TMEM170B: variants seen among roughly 807,000 people sequenced by gnomAD.
The protein encoded by TMEM170B is transmembrane protein 170B.
In TMEM170B, 6 loss-of-function variants were observed where a neutral mutation model predicts 13.0. The observed-to-expected ratio is 0.46, with a 90% confidence interval of 0.25 to 0.91. TMEM170B has a LOEUF of 0.91. Ranked by LOEUF, TMEM170B falls within the 40% of genes least tolerant of loss-of-function variation. The probability of loss-of-function intolerance (pLI) is 0.17; values close to 1 mark genes in which losing one functional copy is unlikely to be tolerated. For missense variants in TMEM170B, 138 were observed against 165.2 expected (o/e 0.84, Z 0.90); for synonymous variants, 61 against 64.9 (o/e 0.94, Z 0.29).
At chr6:11,552,191 T>A (rs1759534479) in intron 1 of TMEM170B, among the ~76,000 whole-genome samples, 1 of 152,238 alleles carries the variant, frequency 6.6e-6, no homozygotes. Flanking sequence ...TTATTTTTTG[T>A]GATCAATTTA....
chr6:11,567,342 AG>A (rs1759747945), intron 2 of TMEM170B, among the ~76,000 whole-genome samples: 1 of 152,212 alleles, frequency 6.6e-6, no homozygotes. Context: ...CCCATATGTC[AG>A]GGGCAGCTCA....
chr6:11,547,369 G>A (rs899896927), intron 1 of TMEM170B, among the ~76,000 whole-genome samples: 2 of 152,160 alleles, frequency 1.3e-5, no homozygotes, highest in Non-Finnish European at 2.9e-5. Context: ...ATTAGGTTAA[G>A]TTCCTCTTCC....
rs1304981243 is a variant in TMEM170B, at chr6:11,580,017, A to C, written c.*4456A>C. The C allele has an allele frequency of 6.5e-6, 1 of 154,026 alleles. No homozygotes were observed. Among genetic ancestry groups the C allele is most frequent in the African/African-American group, 2.4e-5 (1 of 41,390 alleles). 9.5% of individuals were successfully genotyped at this position (154,026 alleles called of 1,614,324 possible). ...CCCTAGCTGTTATTTTGTTTCTTTT[A>C]TTTATTTATTTTTTGAGACGGAGTT... On this transcript the variant is annotated 3_prime_UTR_variant, in exon 3 of 3. Coordinates refer to ENST00000379426, the MANE Select transcript of TMEM170B (RefSeq NM_001100829.3).
chr6:11,538,631 C>G (rs1025073243), intron 1 of TMEM170B, among the ~76,000 whole-genome samples: 1 of 152,176 alleles, frequency 6.6e-6, no homozygotes, highest in Admixed American at 6.5e-5. Context: ...GGAGAGCTCC[C>G]GGTGGCGGCC....
At chr6:11,539,761 T>C (rs1582136006) in intron 1 of TMEM170B, among the ~76,000 whole-genome samples, 3 of 152,238 alleles carry the variant, frequency 2.0e-5, no homozygotes, top group Non-Finnish European at 2.9e-5. Context: ...ATCTTACTTA[T>C]GATTTTGCTT....
In TMEM170B at chr6:11,580,988, TAGGG is replaced by T. The variant is rs1399684644; in HGVS notation, c.*5431_*5434del. ...GTCTGTGTAGGCAGTACAGTGTTGT[TAGGG>T]AGGTTGCTGAATTATCTAAAAATGT... On this transcript the variant is annotated 3_prime_UTR_variant, in exon 3 of 3. Coordinates refer to ENST00000379426, the MANE Select transcript of TMEM170B (RefSeq NM_001100829.3). 2.0e-5 allele frequency: 3 copies of T among 152,186 alleles called. No individual in the cohort carries two copies. Among genetic ancestry groups the T allele is most frequent in the Non-Finnish European group, 2.9e-5 (2 of 68,030 alleles). 9.4% of individuals were successfully genotyped at this position (152,186 alleles called of 1,614,324 possible).
intron 1 of TMEM170B, among the ~76,000 whole-genome samples, chr6:11,540,354 T>C (rs1395264136): frequency 6.6e-6 from 1 of 152,224 alleles, no homozygotes; most frequent in Non-Finnish European, 1.5e-5. Flanking sequence ...CAACCGAGTT[T>C]ATCTAATAGT....
intron 1 of TMEM170B, among the ~76,000 whole-genome samples, chr6:11,559,721 T>C (rs751003200): frequency 6.6e-6 from 1 of 152,174 alleles, no homozygotes; most frequent in South Asian, 2.1e-4. Flanking sequence ...GTTCTACACT[T>C]CAGATTTGTT....
chr6:11,553,626 A>G (rs1379376056), intron 1 of TMEM170B, among the ~76,000 whole-genome samples: 1 of 152,164 alleles, frequency 6.6e-6, no homozygotes, highest in Non-Finnish European at 1.5e-5. Context: ...TAGTTTTCAT[A>G]TTGATTAAGG....
intron 1 of TMEM170B, among the ~76,000 whole-genome samples, chr6:11,564,555 G>A (rs1759711702): frequency 1.3e-5 from 2 of 152,286 alleles, no homozygotes; most frequent in African/African-American, 4.8e-5. Context: ...TTTAGAGTCA[G>A]CTCTTTCAGG....
chr6:11,562,712 A>G (rs918758225), intron 1 of TMEM170B, among the ~76,000 whole-genome samples: 1 of 152,148 alleles, frequency 6.6e-6, no homozygotes, highest in Non-Finnish European at 1.5e-5. Flanking sequence ...ATCAACCAGG[A>G]TATTAACATT....
At chr6:11,549,165 G>T (rs1759483398) in intron 1 of TMEM170B, among the ~76,000 whole-genome samples, 1 of 152,184 alleles carries the variant, frequency 6.6e-6, no homozygotes, top group African/African-American at 2.4e-5. Context: ...TAAGTCTACT[G>T]ATGGCTATAT....
Position 11,578,169 on chromosome 6 carries a change from A to G in TMEM170B, c.*2608A>G, listed in dbSNP as rs1303059573. ...AATGATCTTTTAAATAGGTTTGAGG[A>G]TGTTTGAAAATTTTGAATTTTGGGA... is the stretch of plus-strand genomic sequence containing the variant. On this transcript the variant is annotated 3_prime_UTR_variant, in exon 3 of 3. Coordinates refer to ENST00000379426, the MANE Select transcript of TMEM170B (RefSeq NM_001100829.3). 6.6e-6 allele frequency: 1 copy of G among 152,152 alleles called. No individual in the cohort carries two copies. The highest frequency in any genetic ancestry group is 1.5e-5 in the Non-Finnish European group (1 of 67,994). The allele number at this position is 152,152 out of a possible 1,614,324, so 9.4% of individuals were successfully genotyped here. A position where few individuals can be genotyped will look rare whatever the true frequency, so the allele number is the denominator to read the frequency against.
intron 1 of TMEM170B, among the ~76,000 whole-genome samples, chr6:11,543,187 C>T (rs1337113756): frequency 6.6e-6 from 1 of 152,138 alleles, no homozygotes; most frequent in Admixed American, 6.5e-5. Context: ...AGGGTCAGTC[C>T]ATTGCCTCAC....
intron 1 of TMEM170B, among the ~76,000 whole-genome samples, chr6:11,553,954 C>T (rs756917637): frequency 2.2e-4 from 33 of 152,084 alleles, no homozygotes; most frequent in Non-Finnish European, 4.3e-4. Context: ...CTTTTAATCC[C>T]AGTACAGCAT....
intron 1 of TMEM170B, among the ~76,000 whole-genome samples, chr6:11,549,838 ATAATC>A (rs889104488): frequency 7.2e-5 from 11 of 152,292 alleles, no homozygotes; most frequent in African/African-American, 2.2e-4. Context: ...ATCATGGAAT[ATAATC>A]TAAGAGCATA....
intron 1 of TMEM170B, among the ~76,000 whole-genome samples, chr6:11,549,537 C>T (rs1759495197): frequency 6.6e-6 from 1 of 151,916 alleles, no homozygotes; most frequent in African/African-American, 2.4e-5. Flanking sequence ...GTGGCGGGCA[C>T]CTATAGTCCC....
In TMEM170B at chr6:11,583,189, A is replaced by G. The variant is rs1434061317; in HGVS notation, c.*7628A>G. The G allele has an allele frequency of 6.6e-6, 1 of 152,198 alleles. No individual in the cohort carries two copies. The highest frequency in any genetic ancestry group is 2.4e-5 in the African/African-American group (1 of 41,456). The allele number at this position is 152,198 out of a possible 1,614,324, so 9.4% of individuals were successfully genotyped here. A position where few individuals can be genotyped will look rare whatever the true frequency, so the allele number is the denominator to read the frequency against. ...TTTTCTTCAAAGGGCAGCAATAAAC[A>G]TATGCAAGTTATTTTTAATTATAGA... On this transcript the variant is annotated 3_prime_UTR_variant, in exon 3 of 3. Coordinates refer to ENST00000379426, the MANE Select transcript of TMEM170B (RefSeq NM_001100829.3).
At chr6:11,546,388 G>T (rs1759440355) in intron 1 of TMEM170B, among the ~76,000 whole-genome samples, 1 of 152,086 alleles carries the variant, frequency 6.6e-6, no homozygotes, top group African/African-American at 2.4e-5. Flanking sequence ...AGTTTATAAA[G>T]TAAAAAAGTT....
Sources: allele counts gnomAD v4.1 joint callset (sites outside exome capture counted in the v4.1 genomes callset), GRCh38; gene constraint gnomAD v4.1.1; transcripts MANE v1.5; gene names NCBI Gene and HGNC (gene_info 2026-07-23, HGNC 2026-07-21).